Variants in PPIP5K1 observed in about 807,000 individuals in gnomAD.
PPIP5K1 encodes diphosphoinositol pentakisphosphate kinase 1.
A neutral mutation model predicts 27.7 loss-of-function variants in PPIP5K1; 6 were observed. That is an observed-to-expected ratio of 0.22 (90% CI 0.12 to 0.43). The LOEUF is 0.43. PPIP5K1 is among the 20% of genes least tolerant of loss of function. PPIP5K1 has a pLI of 1.00. For synonymous variants in PPIP5K1, 145 were observed against 242.6 expected (o/e 0.60, Z 3.74); for missense variants, 394 against 635.4 (o/e 0.62, Z 4.08).
intron 30 of PPIP5K1, among the ~76,000 whole-genome samples, chr15:43,549,046 AAAAAAAAAAAATATATAT>A (rs2081812546): frequency 2.4e-5 from 2 of 84,622 alleles, no homozygotes; most frequent in African/African-American, 7.8e-5. Context: ...AAAAAAAAAA[AAAAAAAAAAAATATATAT>A]ATATATATAT....
intron 29 of PPIP5K1, among the ~76,000 whole-genome samples, chr15:43,559,417 T>C (rs917590898): frequency 6.6e-6 from 1 of 152,154 alleles, no homozygotes; most frequent in Non-Finnish European, 1.5e-5. Context: ...AAGGGGTTCA[T>C]GCAAATTTAG....
chr15:43,552,744 T>C (rs907796600), intron 30 of PPIP5K1, among the ~76,000 whole-genome samples: 3 of 148,978 alleles, frequency 2.0e-5, no homozygotes, highest in Admixed American at 6.7e-5. Context: ...CCCACAAAAA[T>C]TAAAAATAAA....
intron 30 of PPIP5K1, among the ~76,000 whole-genome samples, chr15:43,552,219 T>G (rs1267917556): frequency 1.3e-5 from 2 of 152,246 alleles, no homozygotes; most frequent in Non-Finnish European, 1.5e-5. Flanking sequence ...CCTCCCAAAG[T>G]GTTGAGATTA....
In PPIP5K1 at chr15:43,579,066, G is replaced by A; in HGVS notation, c.1116C>T (p.Pro372=). The part of the protein sequence containing the change: ...APQFQIPWSI[P]TEAEDIPIVP... ...CAATGGGAATGTCCTCAGCCTCCGT[G>A]GGGATGGACCATGGAATCTGGAACT... is the stretch of plus-strand genomic sequence containing the variant. The change falls in exon 11 of 32, where the codon CCC becomes CCT. Residue 372 remains proline, a synonymous_variant. Transcript: ENST00000420765. 1 of 88,198 alleles carries A rather than the reference G, an allele frequency of 1.1e-5. No homozygotes were observed. Among genetic ancestry groups the A allele is most frequent in the Non-Finnish European group, 1.8e-5 (1 of 55,930 alleles). 5.5% of individuals were successfully genotyped at this position (88,198 alleles called of 1,614,324 possible).
At chr15:43,545,819 A>T (rs1345404533) in intron 30 of PPIP5K1, among the ~76,000 whole-genome samples, 1 of 152,062 alleles carries the variant, frequency 6.6e-6, no homozygotes, top group Non-Finnish European at 1.5e-5. Flanking sequence ...AGCCATCTTA[A>T]ATTGTATAAT....
chr15:43,558,897 G>C lies in PPIP5K1; in HGVS notation c.3454C>G (p.Pro1152Ala), dbSNP rs1287249610. Residue 1152 changes from proline to alanine, a missense_variant, in exon 30 of 32, where the codon CCT (proline) becomes GCT (alanine). By Grantham distance (27) the Pro-to-Ala change is conservative. This residue lies in a region of PPIP5K1 where 379 missense variants were observed against 423.9 expected (regional missense o/e 0.89). Coordinates refer to ENST00000420765, the MANE Select transcript of PPIP5K1 (RefSeq NM_001394395.1). ...AGGGCATTATGCAGTGTTTCCAGAG[G>C]GTAGATGGTAGGCACCATGGAACAC... ...EGCSMVPTIY[P>A]LETLHNALSL... is the part of the protein sequence containing the mutation. The C allele has an allele frequency of 3.1e-6, 5 of 1,613,802 alleles. No individual in the cohort carries two copies. In the Admixed American group the frequency reaches 8.3e-5, roughly 27 times the overall value.
At chr15:43,546,551 A>G (rs1177698243) in intron 30 of PPIP5K1, among the ~76,000 whole-genome samples, 1 of 152,038 alleles carries the variant, frequency 6.6e-6, no homozygotes, top group Admixed American at 6.6e-5. Context: ...TTGGCCTAAC[A>G]AAGAGCTGGG....
At chr15:43,548,862 C>T (rs2081740237) in intron 30 of PPIP5K1, among the ~76,000 whole-genome samples, 1 of 150,186 alleles carries the variant, frequency 6.7e-6, no homozygotes, top group Non-Finnish European at 1.5e-5. Context: ...CCTGTCTCTA[C>T]TAAAATTAGA....
chr15:43,548,987 C>T (rs2081764869), intron 30 of PPIP5K1, among the ~76,000 whole-genome samples: 1 of 132,956 alleles, frequency 7.5e-6, no homozygotes, highest in Non-Finnish European at 1.5e-5. Flanking sequence ...GACATTGCGC[C>T]ACTGCACCCA....
rs1393123484 is a variant in PPIP5K1, at chr15:43,534,805, C to T, written c.4342G>A (p.Gly1448Ser). The stretch of plus-strand genomic sequence containing the variant: ...GCAGAAGTCTCCTGGGCCAGCCTGC[C>T]AACCTCCACAGAGAACTCCTGGTAT... ...QPYQEFSVEVGRLAQETSAIN... is the reference protein window; with the variant it reads ...QPYQEFSVEVSRLAQETSAIN... The change falls in exon 32 of 32, where the codon GGC (glycine) becomes AGC (serine). Residue 1448 changes from glycine (G) to serine (S), a missense_variant. By Grantham distance (56) the Gly-to-Ser change is moderately conservative. Around this residue, in one of 4 missense-constraint regions of PPIP5K1, gnomAD observed 379 missense variants for 423.9 expected, o/e 0.89. Transcript: ENST00000420765. 3.7e-6 allele frequency: 6 copies of T among 1,603,886 alleles called. No individual in the cohort carries two copies. The highest frequency in any genetic ancestry group is 1.1e-5 in the South Asian group (1 of 89,444).
intron 30 of PPIP5K1, among the ~76,000 whole-genome samples, chr15:43,554,831 G>A (rs1290647689): frequency 2.6e-5 from 4 of 151,692 alleles, no homozygotes; most frequent in Non-Finnish European, 4.4e-5. Context: ...CATTGTTAGA[G>A]TAAATAATAA....
At chr15:43,537,133 G>A (rs973417610) in intron 31 of PPIP5K1, among the ~76,000 whole-genome samples, 2 of 150,896 alleles carry the variant, frequency 1.3e-5, no homozygotes, top group Non-Finnish European at 2.9e-5. Flanking sequence ...TCAGGAGTTC[G>A]AGACCAGCCT....
intron 30 of PPIP5K1, among the ~76,000 whole-genome samples, chr15:43,541,991 T>C (rs1169576040): frequency 1.3e-5 from 2 of 152,198 alleles, no homozygotes; most frequent in Admixed American, 1.3e-4. Context: ...ATTGTCCCAT[T>C]ATAAGTAAGG....
At chr15:43,542,132 G>C (rs550177320) in intron 30 of PPIP5K1, among the ~76,000 whole-genome samples, 1 of 152,302 alleles carries the variant, frequency 6.6e-6, no homozygotes, top group African/African-American at 2.4e-5. Context: ...CTGTAAAGAA[G>C]AGCTTTCCTT....
chr15:43,579,383 T>TACACACACACACACACAC (rs371291746), intron 10 of PPIP5K1, among the ~76,000 whole-genome samples: 1 of 84,318 alleles, frequency 1.2e-5, no homozygotes, highest in Non-Finnish European at 2.0e-5. Flanking sequence ...TTCGATTATA[T>TACACACACACACACACAC]ACACACACAC....
intron 30 of PPIP5K1, among the ~76,000 whole-genome samples, chr15:43,549,080 T>TATATATATATATATAC (rs1489462259): frequency 8.8e-6 from 1 of 113,178 alleles, no homozygotes; most frequent in East Asian, 2.4e-4. Context: ...TATATATATA[T>TATATATATATATATAC]ACATATATAT....
At chr15:43,535,931 G>A (rs2079790759) in intron 31 of PPIP5K1, among the ~76,000 whole-genome samples, 1 of 152,188 alleles carries the variant, frequency 6.6e-6, no homozygotes, top group South Asian at 2.1e-4. Flanking sequence ...TAGTTTGGAG[G>A]AGGGAGGAGG....
At position 43,534,090 on chromosome 15, in the gene PPIP5K1, G is replaced by A. The variant is rs1235034726; in HGVS notation, c.*584C>T. ...GCCATCCCGGGCTCACCTGAGGAGT[G>A]CTGGCAAAGACAAGAGTCCCCTGAA... On this transcript the variant is annotated 3_prime_UTR_variant, in exon 32 of 32. Transcript: ENST00000420765. The A allele has an allele frequency of 1.3e-5, 2 of 152,566 alleles. No individual in the cohort carries two copies. Among genetic ancestry groups the A allele is most frequent in the African/African-American group, 2.4e-5 (1 of 41,466 alleles). 9.5% of individuals were successfully genotyped at this position (152,566 alleles called of 1,614,324 possible).
chr15:43,580,596 A>T (rs142795883), intron 10 of PPIP5K1, among the ~76,000 whole-genome samples: 18,046 of 119,640 alleles, frequency 0.15, 3,031 homozygotes, highest in African/African-American at 0.37. Flanking sequence ...TTAATTAATT[A>T]ATTTATTTAT....
Sources: allele counts gnomAD v4.1 joint callset (sites outside exome capture counted in the v4.1 genomes callset), GRCh38; gene constraint gnomAD v4.1.1; regional missense constraint gnomAD v4.1.1; transcripts MANE v1.5; gene names NCBI Gene and HGNC (gene_info 2026-07-23, HGNC 2026-07-21).